Variants in EFCAB6 observed in about 807,000 individuals in gnomAD.
EFCAB6 encodes EF-hand calcium binding domain 6, also known as EF-hand calcium-binding domain-containing protein 6.
EFCAB6 carries 156 observed loss-of-function variants against 169.8 expected under a neutral mutation model. The observed-to-expected ratio is 0.92, with a 90% CI of 0.81 to 1.05. EFCAB6 has a LOEUF of 1.05. EFCAB6 is among the 50% of genes least tolerant of loss of function. The pLI is 0.00. For synonymous variants in EFCAB6, 698 were observed against 676.4 expected, an observed-to-expected ratio of 1.03 and a Z score of -0.50; for missense variants, 1,800 against 1,829.1, an observed-to-expected ratio of 0.98 and a Z score of 0.29.
At chr22:43,766,146 CT>C (rs1378499495) in intron 4 of EFCAB6, among the ~76,000 whole-genome samples, 2 of 152,186 alleles carry the variant, frequency 1.3e-5, no homozygotes, top group East Asian at 3.8e-4. Flanking sequence ...TGCAATTCTC[CT>C]GCCTCAGGTT....
chr22:43,614,987 G>C (rs1004224369), intron 21 of EFCAB6, among the ~76,000 whole-genome samples: 4 of 152,222 alleles, frequency 2.6e-5, no homozygotes, highest in African/African-American at 4.8e-5. Context: ...TCCACTCTGT[G>C]CAGGACAGGA....
chr22:43,640,113 T>C (rs1185121692), intron 17 of EFCAB6, among the ~76,000 whole-genome samples: 1 of 152,212 alleles, frequency 6.6e-6, no homozygotes, highest in Non-Finnish European at 1.5e-5. Flanking sequence ...GTGTTAATTC[T>C]AACATCTGTT....
At chr22:43,568,648 TGGA>T (rs1196014380) in intron 26 of EFCAB6, among the ~76,000 whole-genome samples, 2 of 152,060 alleles carry the variant, frequency 1.3e-5, no homozygotes, top group Admixed American at 6.5e-5. Context: ...AGGCAGGTGC[TGGA>T]GGAGGTGAGC....
At chr22:43,582,304 C>T (rs1229590127) in intron 24 of EFCAB6, among the ~76,000 whole-genome samples, 2 of 151,644 alleles carry the variant, frequency 1.3e-5, no homozygotes, top group Non-Finnish European at 2.9e-5. Context: ...AACATATAGG[C>T]ATTTGAGGAT....
chr22:43,556,619 T>G (rs573122979), intron 26 of EFCAB6, among the ~76,000 whole-genome samples: 1 of 152,184 alleles, frequency 6.6e-6, no homozygotes, highest in Non-Finnish European at 1.5e-5. Flanking sequence ...TCGACAGCAA[T>G]GTATATATTA....
intron 18 of EFCAB6, among the ~76,000 whole-genome samples, chr22:43,633,287 C>T (rs1284718926): frequency 6.6e-5 from 10 of 152,222 alleles, no homozygotes; most frequent in South Asian, 2.1e-4. Flanking sequence ...CGTTGGCTCA[C>T]GCCTGTAATC....
intron 14 of EFCAB6, 39 bp downstream of exon 14, chr22:43,672,207 T>A: frequency 6.2e-7 from 1 of 1,613,880 alleles, no homozygotes; most frequent in Non-Finnish European, 8.5e-7. Flanking sequence ...TCAAACCATA[T>A]AGGAAGGCAT....
intron 2 of EFCAB6, among the ~76,000 whole-genome samples, chr22:43,792,379 A>G (rs2062328525): frequency 6.6e-6 from 1 of 152,216 alleles, no homozygotes; most frequent in Non-Finnish European, 1.5e-5. Context: ...GTGTGATACC[A>G]CAAGTCAAGG....
At chr22:43,717,023 T>C (rs1365299689) in intron 8 of EFCAB6, 51 bp from the exon 9 acceptor site, 2 of 1,402,486 alleles carry the variant, frequency 1.4e-6, no homozygotes, top group Non-Finnish European at 1.9e-6. Context: ...AGGTTAAACA[T>C]TTAAATATTG....
Position 43,658,588 on chromosome 22 carries a change from A to T in EFCAB6, c.1983+8516T>A, listed in dbSNP as rs112843321. Among the ~76,000 whole-genome samples, 788 of 152,300 alleles carry T rather than the reference A, an allele frequency of 5.2e-3. 6 individuals carry two copies. Among genetic ancestry groups the T allele is most frequent in the African/African-American group, 0.015 (606 of 41,568 alleles). ...CAGGGAGAAAGGCCCTGAGAATACA[A>T]AAGTGAGCATATGGAGAGCCCTAGA... On this transcript the variant is annotated intron_variant, in intron 17 of 31. Transcript: ENST00000262726.
At chr22:43,724,374 T>C (rs985371950) in intron 8 of EFCAB6, among the ~76,000 whole-genome samples, 4 of 148,944 alleles carry the variant, frequency 2.7e-5, no homozygotes, top group East Asian at 3.9e-4. Flanking sequence ...TTTCTTTTTT[T>C]TTTTTTTTTT....
At chr22:43,796,195 A>G (rs1170822196) in intron 2 of EFCAB6, among the ~76,000 whole-genome samples, 1 of 152,160 alleles carries the variant, frequency 6.6e-6, no homozygotes, top group African/African-American at 2.4e-5. Flanking sequence ...ACTGGTGGCC[A>G]GTGTCAGCCA....
chr22:43,711,657 T>C (rs374092154), intron 9 of EFCAB6, 34 bp from the exon 10 acceptor site: 2 of 1,566,190 alleles, frequency 1.3e-6, no homozygotes, highest in African/African-American at 2.8e-5. Flanking sequence ...GTGGCGTTCA[T>C]AAATATCAAC....
intron 26 of EFCAB6, among the ~76,000 whole-genome samples, chr22:43,566,002 A>G (rs1470397282): frequency 3.7e-5 from 4 of 107,178 alleles, no homozygotes; most frequent in Non-Finnish European, 7.4e-5. Flanking sequence ...CAGCAGGAAA[A>G]CTGCCTGTCA....
At chr22:43,737,831 ACT>A (rs1450360991) in intron 6 of EFCAB6, among the ~76,000 whole-genome samples, 3 of 148,116 alleles carry the variant, frequency 2.0e-5, no homozygotes, top group Non-Finnish European at 4.5e-5. Context: ...TCACACCATT[ACT>A]CACACACATA....
intron 9 of EFCAB6, 34 bp downstream of exon 9, chr22:43,716,813 TC>T: frequency 6.3e-7 from 1 of 1,584,648 alleles, no homozygotes; most frequent in Admixed American, 1.9e-5. Flanking sequence ...CTGTGTTTAC[TC>T]TGTAGGTAAT....
intron 9 of EFCAB6, among the ~76,000 whole-genome samples, chr22:43,712,719 G>A (rs543648207): frequency 3.5e-4 from 53 of 152,170 alleles, no homozygotes; most frequent in Admixed American, 1.3e-3. Flanking sequence ...GGTGTGTAGC[G>A]GGGGCTCGGT....
At chr22:43,782,810 A>G (rs898859980) in intron 2 of EFCAB6, among the ~76,000 whole-genome samples, 1 of 152,178 alleles carries the variant, frequency 6.6e-6, no homozygotes, top group Non-Finnish European at 1.5e-5. Context: ...TTTTTTCAGA[A>G]CTCTGGAAAT....
At chr22:43,553,072 G>A (rs1342487639) in intron 27 of EFCAB6, 3 of 152,172 alleles carry the variant, frequency 2.0e-5, no homozygotes, top group South Asian at 2.1e-4. Flanking sequence ...ATGTCTTTAC[G>A]GCATGCATTC....
Sources: gnomAD v4.1 joint callset for allele counts (sites outside exome capture counted in the v4.1 genomes callset) on GRCh38, gnomAD v4.1.1 for gene constraint, MANE v1.5 for transcripts, NCBI Gene and HGNC (gene_info 2026-07-23, HGNC 2026-07-21) for gene names.